The following APBB2 variants were observed in gnomAD, a reference collection of about 807,000 sequenced individuals.
APBB2 encodes amyloid beta precursor protein binding family B member 2.
APBB2 carries 38 observed loss-of-function variants against 82.5 expected under a neutral mutation model. The ratio of observed to expected loss-of-function variants is 0.46; its 90% confidence interval spans 0.36 to 0.60. The LOEUF (loss-of-function observed/expected upper bound fraction) is 0.60, where lower values mean the gene tolerates loss of function less well. APBB2 is among the 20% of genes least tolerant of loss of function. The probability of loss-of-function intolerance (pLI) is 0.00; values close to 1 mark genes in which losing one functional copy is unlikely to be tolerated. For synonymous variants in APBB2, 341 were observed against 368.2 expected (o/e 0.93, Z 0.85); for missense variants, 772 against 972.3 (o/e 0.79, Z 2.74).
intron 12 of APBB2, among the ~76,000 whole-genome samples, chr4:40,835,825 A>G (rs1753733908): frequency 6.6e-6 from 1 of 152,208 alleles, no homozygotes; most frequent in African/African-American, 2.4e-5. Context: ...CATCTGCGAG[A>G]ACAGGGCAGA....
At chr4:41,041,248 A>C (rs1721381901) in intron 4 of APBB2, among the ~76,000 whole-genome samples, 1 of 152,172 alleles carries the variant, frequency 6.6e-6, no homozygotes, top group African/African-American at 2.4e-5. Context: ...AAATTCAATA[A>C]CAGTCAACTA....
chr4:41,110,755 G>T (rs1461755346), intron 2 of APBB2, among the ~76,000 whole-genome samples: 1 of 152,102 alleles, frequency 6.6e-6, no homozygotes. Context: ...GCTGCCCTGG[G>T]TATAGTATGT....
rs150011900 is a variant in APBB2 at position 41,084,029 on chromosome 4, T to C, written c.-149+16610A>G. On this transcript the variant is annotated intron_variant, in intron 3 of 17. Coordinates refer to ENST00000508593, the MANE Select transcript of APBB2 (RefSeq NM_004307.2). ...GTCTTAGAATCAATAAAATATGTAT[T>C]ATAAAGCTGCAATATAAAAATATTT... Among the ~76,000 whole-genome samples the C allele has an allele frequency of 6.7e-3, 1,014 of 152,264 alleles. 31 individuals carry two copies. The highest frequency in any genetic ancestry group is 0.052 in the Admixed American group (791 of 15,284).
chr4:40,852,161 C>T (rs1183540132), intron 12 of APBB2, among the ~76,000 whole-genome samples: 2 of 151,798 alleles, frequency 1.3e-5, no homozygotes, highest in East Asian at 1.9e-4. Flanking sequence ...ACCAGCCTGG[C>T]GAACATAGTG....
chr4:40,873,710 T>G (rs1460577831), intron 12 of APBB2, among the ~76,000 whole-genome samples: 6 of 152,220 alleles, frequency 3.9e-5, no homozygotes, highest in Non-Finnish European at 8.8e-5. Context: ...ATTCTCTGAT[T>G]AATGGGGAAG....
At position 41,007,306 on chromosome 4, in the gene APBB2, G is replaced by A. The variant is rs149615792; in HGVS notation, c.835+6277C>T. 3.2e-4 allele frequency among the ~76,000 whole-genome samples: 49 copies of A among 151,612 alleles called. No homozygotes were observed. In the South Asian group the frequency reaches 4.8e-3, roughly 15 times the overall value. ...CTCGCCATGTTATTCTGCAGCAAAC[G>A]GCACTCACTAGATGCTGGTGTTATG... is the stretch of plus-strand genomic sequence containing the variant. On this transcript the variant is annotated intron_variant, in intron 6 of 17. Coordinates refer to ENST00000508593, the MANE Select transcript of APBB2 (RefSeq NM_004307.2).
chr4:41,021,352 G>A (rs1178734617), intron 5 of APBB2, among the ~76,000 whole-genome samples: 3 of 152,220 alleles, frequency 2.0e-5, no homozygotes, highest in Admixed American at 2.0e-4. Flanking sequence ...GGGGGATTGA[G>A]AGGTGAAGTC....
chr4:40,905,626 C>T (rs1022528717), intron 10 of APBB2, among the ~76,000 whole-genome samples: 6 of 152,180 alleles, frequency 3.9e-5, no homozygotes, highest in Admixed American at 1.3e-4. Flanking sequence ...AGACTTGCCA[C>T]GAAGCAACCT....
chr4:40,926,062 G>A (rs1047469679), intron 10 of APBB2, among the ~76,000 whole-genome samples: 2 of 152,220 alleles, frequency 1.3e-5, no homozygotes, highest in African/African-American at 2.4e-5. Flanking sequence ...CTGAGCAGCT[G>A]CGAACTGGTT....
At chr4:40,995,932 C>T (rs1803523223) in intron 6 of APBB2, among the ~76,000 whole-genome samples, 1 of 152,038 alleles carries the variant, frequency 6.6e-6, no homozygotes, top group South Asian at 2.1e-4. Flanking sequence ...AGCCTCCCAA[C>T]ATACTGGGAT....
At chr4:41,001,598 C>T (rs1805243376) in intron 6 of APBB2, among the ~76,000 whole-genome samples, 2 of 152,216 alleles carry the variant, frequency 1.3e-5, no homozygotes, top group African/African-American at 2.4e-5. Flanking sequence ...AAAAGACAGG[C>T]TGGGCGTGGT....
At chr4:40,977,986 T>C (rs1409088867) in intron 6 of APBB2, among the ~76,000 whole-genome samples, 9 of 152,110 alleles carry the variant, frequency 5.9e-5, no homozygotes, top group East Asian at 1.9e-4. Flanking sequence ...AGTGGAAAAA[T>C]GGTTCAGCAA....
intron 17 of APBB2, among the ~76,000 whole-genome samples, chr4:40,816,579 A>AGT (rs1409878214): frequency 2.0e-5 from 3 of 152,182 alleles, no homozygotes; most frequent in Admixed American, 2.0e-4. Flanking sequence ...ATTGGGAGAG[A>AGT]GTGTGTTAAT....
chr4:41,134,452 CG>C (rs1486522476), intron 2 of APBB2, among the ~76,000 whole-genome samples: 1 of 152,046 alleles, frequency 6.6e-6, no homozygotes, highest in Non-Finnish European at 1.5e-5. Flanking sequence ...GGCATGGTGG[CG>C]GGTGCCTGTA....
chr4:41,163,015 A>G (rs973994289), intron 1 of APBB2, among the ~76,000 whole-genome samples: 4 of 152,236 alleles, frequency 2.6e-5, no homozygotes, highest in African/African-American at 9.6e-5. Flanking sequence ...CTATAATGTT[A>G]ATTCAAGGAA....
intron 12 of APBB2, among the ~76,000 whole-genome samples, chr4:40,834,147 C>T (rs927405024): frequency 1.3e-5 from 2 of 151,510 alleles, no homozygotes; most frequent in Non-Finnish European, 2.9e-5. Context: ...TTTGTTGTTT[C>T]CTCCAAGGTA....
At chr4:40,829,920 T>C (rs1212123028) in intron 13 of APBB2, among the ~76,000 whole-genome samples, 3 of 152,244 alleles carry the variant, frequency 2.0e-5, no homozygotes, top group Non-Finnish European at 4.4e-5. Flanking sequence ...TCCCTGCATT[T>C]GCAGAAACCC....
chr4:40,923,829 G>A (rs985002470), intron 10 of APBB2, among the ~76,000 whole-genome samples: 3 of 152,236 alleles, frequency 2.0e-5, no homozygotes, highest in Non-Finnish European at 4.4e-5. Context: ...TTCCTCGACC[G>A]CTCATTCAGG....
At chr4:40,845,696 T>C (rs1354234312) in intron 12 of APBB2, among the ~76,000 whole-genome samples, 1 of 150,610 alleles carries the variant, frequency 6.6e-6, no homozygotes. Flanking sequence ...AGCCACCTAC[T>C]TCTCATGCTG....
Sources: allele counts gnomAD v4.1 joint callset (sites outside exome capture counted in the v4.1 genomes callset), GRCh38; gene constraint gnomAD v4.1.1; transcripts MANE v1.5; gene names NCBI Gene and HGNC (gene_info 2026-07-23, HGNC 2026-07-21).